Variants in MPP7 observed in about 807,000 individuals in gnomAD.
The protein encoded by MPP7 is MAGUK p55 subfamily member 7.
In MPP7, 60 loss-of-function variants were observed where a neutral mutation model predicts 76.5. The observed-to-expected ratio is 0.78, with a 90% CI of 0.64 to 0.97. The LOEUF is 0.97. Among genes scored for constraint, MPP7 ranks in the 50% least tolerant of loss-of-function variants. MPP7 has a pLI of 0.00. For synonymous variants in MPP7, 237 were observed against 244.5 expected (o/e 0.97, Z 0.29); for missense variants, 641 against 694.0 (o/e 0.92, Z 0.86).
intron 3 of MPP7, among the ~76,000 whole-genome samples, chr10:28,185,091 G>A (rs1290222881): frequency 6.8e-6 from 1 of 148,010 alleles, no homozygotes; most frequent in Non-Finnish European, 1.5e-5. Flanking sequence ...CACTTTGGGA[G>A]GCTGAGGCAG....
chr10:28,301,727 A>G (rs1442026208), intron 1 of MPP7, among the ~76,000 whole-genome samples: 1 of 152,208 alleles, frequency 6.6e-6, no homozygotes, highest in Non-Finnish European at 1.5e-5. Flanking sequence ...GGAGGATGGC[A>G]TACTATATAA....
At chr10:28,148,015 G>C (rs1031465118) in intron 4 of MPP7, among the ~76,000 whole-genome samples, 1 of 152,168 alleles carries the variant, frequency 6.6e-6, no homozygotes, top group African/African-American at 2.4e-5. Context: ...CACAGTAGCT[G>C]TGCTGTTTAG....
intron 4 of MPP7, among the ~76,000 whole-genome samples, chr10:28,147,813 T>C (rs929378671): frequency 2.0e-5 from 3 of 152,198 alleles, no homozygotes; most frequent in Non-Finnish European, 4.4e-5. Flanking sequence ...TTCTGATTTA[T>C]TGCAAGGAGG....
chr10:28,334,059 G>A (rs703020), intron 1 of MPP7, among the ~76,000 whole-genome samples: 25,941 of 152,054 alleles, frequency 0.17, 2,568 homozygotes, highest in Non-Finnish European at 0.22. Context: ...AAATTAGCCA[G>A]GCATTGTGTC....
chr10:28,208,482 A>G (rs1312200238), intron 2 of MPP7, among the ~76,000 whole-genome samples: 2 of 152,226 alleles, frequency 1.3e-5, no homozygotes, highest in Admixed American at 6.5e-5. Flanking sequence ...GGATGCCCAC[A>G]AGACTCACTG....
chr10:28,300,400 G>C (rs951577478), intron 1 of MPP7, among the ~76,000 whole-genome samples: 2 of 152,164 alleles, frequency 1.3e-5, no homozygotes, highest in African/African-American at 4.8e-5. Context: ...GGGCTTATGA[G>C]AATAAATGAT....
intron 3 of MPP7, among the ~76,000 whole-genome samples, chr10:28,176,350 C>G (rs565551708): frequency 6.7e-5 from 10 of 148,734 alleles, no homozygotes; most frequent in African/African-American, 2.6e-4. Flanking sequence ...AAAAACAAAA[C>G]AAAACAAAAC....
chr10:28,245,558 A>T (rs1228257769), intron 1 of MPP7, among the ~76,000 whole-genome samples: 1 of 152,158 alleles, frequency 6.6e-6, no homozygotes, highest in East Asian at 1.9e-4. Context: ...TGACTCCATG[A>T]TCCTGGCCAA....
intron 3 of MPP7, among the ~76,000 whole-genome samples, chr10:28,174,272 C>T (rs1836785419): frequency 6.6e-6 from 1 of 152,198 alleles, no homozygotes; most frequent in African/African-American, 2.4e-5. Context: ...CACTAAGTCT[C>T]ATGTTGAAAT....
intron 5 of MPP7, among the ~76,000 whole-genome samples, chr10:28,136,464 A>C (rs1234451260): frequency 6.6e-6 from 1 of 152,176 alleles, no homozygotes; most frequent in African/African-American, 2.4e-5. Flanking sequence ...TATGCAAAGA[A>C]AGCAGAAAAT....
chr10:28,161,353 C>G (rs1448311807), intron 3 of MPP7, among the ~76,000 whole-genome samples: 2 of 151,348 alleles, frequency 1.3e-5, no homozygotes, highest in East Asian at 3.9e-4. Flanking sequence ...CCCCTCCCAC[C>G]CCCCGCAGGT....
In MPP7 at chr10:28,058,570, G is replaced by A. The variant is rs1446420356; in HGVS notation, c.1332C>T (p.Tyr444=). 5 of 1,600,818 alleles carry A rather than the reference G, an allele frequency of 3.1e-6. No individual in the cohort carries two copies. The highest frequency in any genetic ancestry group is 4.3e-6 in the Non-Finnish European group (5 of 1,172,858). ...GAACTGAGTCTATACTTGTGCCGTA[G>A]TAGTTGTTTTTATATTCTCCATATT... The part of the protein sequence containing the change: ...FIEYGEYKNN[Y]YGTSIDSVRS... The change falls in exon 15 of 17, where the codon TAC becomes TAT. Residue 444 remains tyrosine (Y), a synonymous_variant. Transcript: ENST00000683449.
chr10:28,200,747 C>T (rs1440552782), intron 3 of MPP7, among the ~76,000 whole-genome samples: 3 of 152,274 alleles, frequency 2.0e-5, no homozygotes, highest in Non-Finnish European at 2.9e-5. Context: ...TTGAAACTCA[C>T]AAACAACCCT....
At chr10:28,324,569 A>G (rs1257992629) in intron 2 of MPP7, among the ~76,000 whole-genome samples, 2 of 152,214 alleles carry the variant, frequency 1.3e-5, no homozygotes, top group Non-Finnish European at 2.9e-5. Context: ...AGAATTCTAT[A>G]TGCATAAAAT....
intron 1 of MPP7, among the ~76,000 whole-genome samples, chr10:28,269,513 ATTTGTT>A (rs946562203): frequency 6.7e-6 from 1 of 149,044 alleles, no homozygotes; most frequent in African/African-American, 2.5e-5. Context: ...CAGTTTGAAT[ATTTGTT>A]TTTATCTTTT....
rs1215211722 is a variant in MPP7 at position 28,053,330 on chromosome 10, T to A, written c.*735A>T. 1 of 152,324 alleles carries A rather than the reference T, an allele frequency of 6.6e-6. No homozygotes were observed. The highest frequency in any genetic ancestry group is 3.4e-3 in the Middle Eastern group (1 of 294). 9.4% of individuals were successfully genotyped at this position (152,324 alleles called of 1,614,324 possible). On this transcript the variant is annotated 3_prime_UTR_variant, in exon 17 of 17. Coordinates refer to ENST00000683449, the MANE Select transcript of MPP7 (RefSeq NM_001318170.2). ...ATCATTTCTTGCCACAAGGCTACCA[T>A]TCTTACTTATATTAATCCCAAAGGA...
At chr10:28,107,249 C>A (rs1297188409) in intron 11 of MPP7, among the ~76,000 whole-genome samples, 1 of 152,060 alleles carries the variant, frequency 6.6e-6, no homozygotes, top group East Asian at 1.9e-4. Context: ...CCTTGGTGCC[C>A]AGCTCTAATG....
chr10:28,255,476 G>A (rs893962008), intron 1 of MPP7, among the ~76,000 whole-genome samples: 6 of 150,224 alleles, frequency 4.0e-5, no homozygotes, highest in East Asian at 2.0e-4. Context: ...GTGCAGTGGC[G>A]TGATCTTGGC....
intron 3 of MPP7, among the ~76,000 whole-genome samples, chr10:28,181,904 C>T (rs7096944): frequency 0.83 from 125,570 of 152,194 alleles, 52,424 homozygotes; most frequent in African/African-American, 0.89. Context: ...CCAGGAGCTA[C>T]ATAAACCTCC....
Sources: allele counts gnomAD v4.1 joint callset (sites outside exome capture counted in the v4.1 genomes callset), GRCh38; gene constraint gnomAD v4.1.1; transcripts MANE v1.5; gene names NCBI Gene and HGNC (gene_info 2026-07-23, HGNC 2026-07-21).